Variants in MACROH2A2 observed in about 807,000 individuals in gnomAD.
MACROH2A2 encodes the protein core histone macro-H2A.2.
MACROH2A2 carries 6 observed loss-of-function variants against 37.6 expected under a neutral mutation model. The ratio of observed to expected loss-of-function variants is 0.16; its 90% CI spans 0.09 to 0.32. MACROH2A2 has a LOEUF of 0.32. Among genes scored for constraint, MACROH2A2 ranks in the 10% least tolerant of loss-of-function variants. The pLI is 1.00. For synonymous variants in MACROH2A2, 192 were observed against 202.7 expected, an observed-to-expected ratio of 0.95 and a Z score of 0.45; for missense variants, 290 against 485.9, an observed-to-expected ratio of 0.60 and a Z score of 3.79.
chr10:70,089,035 C>T (rs891530677), intron 2 of MACROH2A2, among the ~76,000 whole-genome samples: 2 of 152,108 alleles, frequency 1.3e-5, no homozygotes, highest in African/African-American at 4.8e-5. Flanking sequence ...ACCCAGGAGG[C>T]GGAGGTTGCA....
At chr10:70,083,737 G>C (rs113249009) in intron 2 of MACROH2A2, among the ~76,000 whole-genome samples, 3,751 of 150,288 alleles carry the variant, frequency 0.025, 68 homozygotes, top group South Asian at 0.04. Context: ...CCTGGTGAAG[G>C]AGGGTGCACA....
intron 6 of MACROH2A2, chr10:70,099,688 T>C (rs1343025945): frequency 8.0e-6 from 1 of 125,600 alleles, no homozygotes; most frequent in Non-Finnish European, 1.7e-5. Flanking sequence ...CATCAAAGGC[T>C]CAGGGCATCT....
intron 8 of MACROH2A2, among the ~76,000 whole-genome samples, chr10:70,109,482 C>T (rs963594869): frequency 2.6e-5 from 4 of 152,212 alleles, no homozygotes; most frequent in South Asian, 2.1e-4. Context: ...AGGGGAGGAG[C>T]GGGAGGCAGA....
chr10:70,097,032 G>C (rs1042011649), intron 6 of MACROH2A2, among the ~76,000 whole-genome samples: 3 of 152,182 alleles, frequency 2.0e-5, no homozygotes, highest in Non-Finnish European at 4.4e-5. Flanking sequence ...AAATTTTTAT[G>C]TAAGAAAAAT....
At chr10:70,100,870 G>T (rs375792030) in intron 7 of MACROH2A2, among the ~76,000 whole-genome samples, 9 of 152,148 alleles carry the variant, frequency 5.9e-5, no homozygotes, top group Admixed American at 4.6e-4. Flanking sequence ...ACCCGCCTTG[G>T]CCTCCCAAAG....
rs928738647 is a variant in MACROH2A2 at position 70,107,182 on chromosome 10, C to T, written c.779-1851C>T. Among the ~76,000 whole-genome samples, 6 of 152,178 alleles carry T rather than the reference C, an allele frequency of 3.9e-5. No individual in the cohort carries two copies. Among genetic ancestry groups the T allele is most frequent in the African/African-American group, 1.4e-4 (6 of 41,444 alleles). On this transcript the variant is annotated intron_variant, in intron 7 of 8. Coordinates refer to ENST00000373255, the MANE Select transcript of MACROH2A2 (RefSeq NM_018649.3). This position sits in a 1 kb window ranked among gnomAD's most constrained non-coding sequence, Gnocchi z 4.4. ...GTTCACGTGTGATGACACTGAGCCC[C>T]GTCTAGGCACTGGAAGGCAGGGAGC...
Position 70,079,565 on chromosome 10 carries a change from G to GCGCACACACA in MACROH2A2, c.172+3736_172+3737insGCACACACAC, listed in dbSNP as rs1386558755. On this transcript the variant is annotated intron_variant, in intron 2 of 8. Coordinates refer to ENST00000373255, the MANE Select transcript of MACROH2A2 (RefSeq NM_018649.3). ...ACGTTGAGGGTTCGCGCGCGCGCGC[G>GCGCACACACA]CACACACACACACACACACACACAC... is the stretch of plus-strand genomic sequence containing the variant. 3.8e-3 allele frequency among the ~76,000 whole-genome samples: 478 copies of GCGCACACACA among 126,246 alleles called. 5 individuals are homozygous for GCGCACACACA. The highest frequency in any genetic ancestry group is 0.018 in the East Asian group (73 of 4,104). The allele number at this position is 126,246 out of a possible 152,430, so 82.8% of individuals were successfully genotyped here.
At chr10:70,089,765 A>AC (rs150997868) in intron 2 of MACROH2A2, among the ~76,000 whole-genome samples, 3,560 of 149,964 alleles carry the variant, frequency 0.024, 121 homozygotes, top group African/African-American at 0.082. Flanking sequence ...ATTTTTTTAA[A>AC]TTTTTTTTTT....
At chr10:70,080,670 T>C (rs2072170724) in intron 2 of MACROH2A2, among the ~76,000 whole-genome samples, 1 of 151,432 alleles carries the variant, frequency 6.6e-6, no homozygotes, top group African/African-American at 2.4e-5. Context: ...TCACCTGAGG[T>C]CAGGAGTTCA....
At chr10:70,079,563 G>GCGCA (rs1554822095) in intron 2 of MACROH2A2, among the ~76,000 whole-genome samples, 1 of 63,178 alleles carries the variant, frequency 1.6e-5, no homozygotes, top group African/African-American at 5.7e-5. Flanking sequence ...GCGCGCGCGC[G>GCGCA]CGCACACACA....
intron 2 of MACROH2A2, among the ~76,000 whole-genome samples, chr10:70,087,233 C>T (rs2072217193): frequency 6.8e-6 from 1 of 146,056 alleles, no homozygotes; most frequent in African/African-American, 2.5e-5. Context: ...TCTTTTCTTT[C>T]TTCTTTTTTT....
At chr10:70,067,042 C>T (rs887161481) in intron 1 of MACROH2A2, among the ~76,000 whole-genome samples, 1 of 152,160 alleles carries the variant, frequency 6.6e-6, no homozygotes, top group African/African-American at 2.4e-5. Context: ...CCTTCAGGCA[C>T]GTGTTAACAG....
In MACROH2A2 at chr10:70,053,958, C is replaced by A. The variant is rs2071994164; in HGVS notation, c.-60+958C>A. On this transcript the variant is annotated intron_variant, in intron 1 of 8. Transcript: ENST00000373255. The surrounding 1 kb of genome is among the most constrained non-coding windows in gnomAD (Gnocchi z 4.8). ...CGGCGGTTGGGGACCAGCCCTGCCT[C>A]CCCCGGCTCCCAGCCTCCAGCCCCG... Among the ~76,000 whole-genome samples, 1 of 152,214 alleles carries A rather than the reference C, an allele frequency of 6.6e-6. No individual in the cohort carries two copies. The highest frequency in any genetic ancestry group is 6.5e-5 in the Admixed American group (1 of 15,286).
chr10:70,069,977 G>GAAA, intron 1 of MACROH2A2, among the ~76,000 whole-genome samples: 1 of 152,190 alleles, frequency 6.6e-6, no homozygotes, highest in Non-Finnish European at 1.5e-5. Flanking sequence ...GGTCTTCTCT[G>GAAA]GAGTGGCCCC....
At chr10:70,098,890 G>A (rs1385841548) in intron 6 of MACROH2A2, 1 of 152,218 alleles carries the variant, frequency 6.6e-6, no homozygotes, top group African/African-American at 2.4e-5. Context: ...CTTCTGTAGA[G>A]AGAAACTACC....
chr10:70,069,232 C>T (rs766853945), intron 1 of MACROH2A2, among the ~76,000 whole-genome samples: 9 of 152,118 alleles, frequency 5.9e-5, no homozygotes, highest in African/African-American at 1.2e-4. Flanking sequence ...AGTCTGAATA[C>T]GCCCTCTTCC....
intron 2 of MACROH2A2, among the ~76,000 whole-genome samples, chr10:70,079,551 T>TCGCA (rs1554822085): frequency 1.8e-5 from 2 of 114,098 alleles, no homozygotes; most frequent in African/African-American, 6.7e-5. Flanking sequence ...CGTTGAGGGT[T>TCGCA]CGCGCGCGCG....
Position 70,095,020 on chromosome 10 carries a change from A to G in MACROH2A2, c.589-634A>G, listed in dbSNP as rs556283826. 1.0e-3 allele frequency among the ~76,000 whole-genome samples: 155 copies of G among 152,298 alleles called. 1 individual carries two copies. The highest frequency in any genetic ancestry group is 3.7e-3 in the African/African-American group (152 of 41,562). Reference sequence around the variant, plus strand: ...GAGCTTCTCAGAAGATGCATCACTGAAAACTAAGGCCACCAGGGTTGGGAA... The same window carrying G: ...GAGCTTCTCAGAAGATGCATCACTGGAAACTAAGGCCACCAGGGTTGGGAA... On this transcript the variant is annotated intron_variant, in intron 5 of 8. Coordinates refer to ENST00000373255, the MANE Select transcript of MACROH2A2 (RefSeq NM_018649.3).
intron 1 of MACROH2A2, among the ~76,000 whole-genome samples, chr10:70,060,928 G>A (rs1216514669): frequency 1.3e-5 from 2 of 150,856 alleles, no homozygotes; most frequent in Non-Finnish European, 2.9e-5. Context: ...AGGCCGCAGT[G>A]AGCTGATTGG....
Sources: gnomAD v4.1 joint callset for allele counts (sites outside exome capture counted in the v4.1 genomes callset) on GRCh38, gnomAD v4.1.1 for gene constraint, Gnocchi (gnomAD v3.1) non-coding constraint, MANE v1.5 for transcripts, NCBI Gene and HGNC (gene_info 2026-07-23, HGNC 2026-07-21) for gene names.